Variants in SLC8A1 observed in about 807,000 individuals in gnomAD.
The protein encoded by SLC8A1 is sodium/calcium exchanger 1.
A neutral mutation model predicts 68.3 loss-of-function variants in SLC8A1; 18 were observed. That is an observed-to-expected ratio of 0.26 (90% confidence interval 0.18 to 0.39). The LOEUF (loss-of-function observed/expected upper bound fraction) is 0.39, where lower values mean the gene tolerates loss of function less well. Among genes scored for constraint, SLC8A1 ranks in the 10% least tolerant of loss-of-function variants. The probability of loss-of-function intolerance (pLI) is 1.00; values close to 1 mark genes in which losing one functional copy is unlikely to be tolerated. For synonymous variants in SLC8A1, 475 were observed against 415.5 expected, an observed-to-expected ratio of 1.14 and a Z score of -1.74; for missense variants, 985 against 1,156.7, an observed-to-expected ratio of 0.85 and a Z score of 2.15.
At chr2:40,491,103 A>G (rs193020162) in intron 1 of SLC8A1, among the ~76,000 whole-genome samples, 27 of 152,252 alleles carry the variant, frequency 1.8e-4, no homozygotes, top group Non-Finnish European at 8.8e-5. Flanking sequence ...TCTACAATTT[A>G]ACAGTTGTGA....
exon 8 of SLC8A1, chr2:40,102,252 A>C (rs1187480307): frequency 6.6e-6 from 1 of 152,156 alleles, no homozygotes; most frequent in African/African-American, 2.4e-5. Context: ...ATAGCGTTAA[A>C]ATGATCTCTT....
At chr2:40,493,891 T>C (rs961820580) in intron 1 of SLC8A1, among the ~76,000 whole-genome samples, 1 of 151,832 alleles carries the variant, frequency 6.6e-6, no homozygotes, top group Non-Finnish European at 1.5e-5. Context: ...CTCCCCAACA[T>C]TCCTTTCCTT....
At chr2:40,430,821 C>A (rs1240137759) in intron 1 of SLC8A1, among the ~76,000 whole-genome samples, 2 of 152,030 alleles carry the variant, frequency 1.3e-5, no homozygotes, top group African/African-American at 4.8e-5. Context: ...CGAAAAAATC[C>A]CACCAACACA....
chr2:40,332,298 C>T (rs1443155289), intron 2 of SLC8A1, among the ~76,000 whole-genome samples: 4 of 152,056 alleles, frequency 2.6e-5, no homozygotes, highest in Non-Finnish European at 5.9e-5. Flanking sequence ...GTGAAGAGCT[C>T]TGTTTTTCAT....
rs577897155 is a variant in SLC8A1 at position 40,462,474 on chromosome 2, C to CT, written c.-24-32171dup. Among the ~76,000 whole-genome samples the CT allele has an allele frequency of 8.2e-3, 1,182 of 144,196 alleles. 17 individuals are homozygous for CT. Among genetic ancestry groups the CT allele is most frequent in the African/African-American group, 0.027 (1,074 of 39,544 alleles). 94.6% of individuals were successfully genotyped at this position (144,196 alleles called of 152,430 possible). On this transcript the variant is annotated intron_variant, in intron 1 of 7. Coordinates refer to the SLC8A1 transcript ENST00000402441. ...TTTCCTGACAAGTTGGGAATCTTTT[C>CT]TTTTTTTTTTTTCTTTGAGAGGCAG...
intron 2 of SLC8A1, among the ~76,000 whole-genome samples, chr2:40,184,689 A>T (rs148827174): frequency 1.3e-5 from 2 of 152,116 alleles, no homozygotes; most frequent in Non-Finnish European, 2.9e-5. Context: ...AGCCATGTCA[A>T]TGAAGGGCCA....
chr2:40,301,454 G>T (rs1207007836), intron 2 of SLC8A1, among the ~76,000 whole-genome samples: 1 of 152,176 alleles, frequency 6.6e-6, no homozygotes, highest in Non-Finnish European at 1.5e-5. Flanking sequence ...AGCCTGGAGG[G>T]AACTGGAGAC....
At chr2:40,346,928 C>A (rs1212894211) in intron 2 of SLC8A1, among the ~76,000 whole-genome samples, 1 of 152,152 alleles carries the variant, frequency 6.6e-6, no homozygotes, top group African/African-American at 2.4e-5. Flanking sequence ...TCAGCCCACA[C>A]ACAAGCAGGT....
chr2:40,502,647 C>T (rs1224294551), intron 1 of SLC8A1, among the ~76,000 whole-genome samples: 1 of 151,996 alleles, frequency 6.6e-6, no homozygotes, highest in East Asian at 1.9e-4. Flanking sequence ...CAAATACTTT[C>T]ATGTGACTTT....
intron 1 of SLC8A1, among the ~76,000 whole-genome samples, chr2:40,462,249 C>G (rs1703394050): frequency 6.6e-6 from 1 of 151,762 alleles, no homozygotes; most frequent in South Asian, 2.1e-4. Flanking sequence ...TCAGGTGATT[C>G]ACCCACCTCG....
At chr2:40,111,656 C>A (rs1206067024) in exon 8 of SLC8A1, 1 of 152,108 alleles carries the variant, frequency 6.6e-6, no homozygotes, top group African/African-American at 2.4e-5. Flanking sequence ...ACATCACTTC[C>A]TTCTATACTG....
At chr2:40,256,530 A>C (rs1310947224) in intron 2 of SLC8A1, among the ~76,000 whole-genome samples, 1 of 152,220 alleles carries the variant, frequency 6.6e-6, no homozygotes, top group Non-Finnish European at 1.5e-5. Flanking sequence ...AAAGTGTTCT[A>C]CTGGACGCAT....
At chr2:40,099,229 C>A (rs1558378767) in exon 8 of SLC8A1, 1 of 152,006 alleles carries the variant, frequency 6.6e-6, no homozygotes, top group Admixed American at 6.6e-5. Flanking sequence ...GTGCTGGAAT[C>A]TTTTTCATTA....
chr2:40,381,296 T>A (rs1478507920), intron 2 of SLC8A1, among the ~76,000 whole-genome samples: 1 of 151,852 alleles, frequency 6.6e-6, no homozygotes, highest in Non-Finnish European at 1.5e-5. Context: ...CCCACCCACA[T>A]GCTTGGCTGA....
chr2:40,172,743 C>A (rs1295387561), intron 4 of SLC8A1, among the ~76,000 whole-genome samples: 1 of 152,100 alleles, frequency 6.6e-6, no homozygotes. Flanking sequence ...GAGATTGAGA[C>A]TCTCCTGGCC....
intron 2 of SLC8A1, among the ~76,000 whole-genome samples, chr2:40,420,843 G>A (rs1169340562): frequency 6.6e-6 from 1 of 151,892 alleles, no homozygotes; most frequent in Admixed American, 6.6e-5. Flanking sequence ...CCCTGAATAA[G>A]ACTCTATGGG....
At chr2:40,212,234 G>T (rs561028086) in intron 2 of SLC8A1, among the ~76,000 whole-genome samples, 2 of 149,504 alleles carry the variant, frequency 1.3e-5, no homozygotes, top group Non-Finnish European at 3.0e-5. Context: ...TCATTCTGGC[G>T]ACTTATCTGT....
At position 40,263,790 on chromosome 2, in the gene SLC8A1, C is replaced by G. The variant is rs564132710; in HGVS notation, c.1809-85935G>C. On this transcript the variant is annotated intron_variant, in intron 2 of 7. Coordinates refer to ENST00000406785, the Ensembl canonical transcript of SLC8A1. ...ATACCATTCAGGACATAGGCATGGG[C>G]AAGGACTTCATGTCTAAAACACAAA... Among the ~76,000 whole-genome samples, 3 of 152,232 alleles carry G rather than the reference C, an allele frequency of 2.0e-5. 1 individual carries two copies. Among genetic ancestry groups the G allele is most frequent in the Admixed American group, 6.5e-5 (1 of 15,286 alleles).
intron 6 of SLC8A1, among the ~76,000 whole-genome samples, chr2:40,141,224 C>T (rs759040956): frequency 1.3e-5 from 2 of 152,066 alleles, no homozygotes; most frequent in South Asian, 2.1e-4. Context: ...GTATGGTCTT[C>T]GTGAGACACT....
Sources: gnomAD v4.1 joint callset for allele counts (sites outside exome capture counted in the v4.1 genomes callset) on GRCh38, gnomAD v4.1.1 for gene constraint, MANE v1.5 for transcripts, NCBI Gene and HGNC (gene_info 2026-07-23, HGNC 2026-07-21) for gene names.